Variants in TBC1D32 observed in about 807,000 individuals in gnomAD.
TBC1D32 encodes protein broad-minded.
In TBC1D32, 151 loss-of-function variants were observed where a neutral mutation model predicts 170.3. That is an observed-to-expected ratio of 0.89 (90% CI 0.78 to 1.01). The LOEUF (loss-of-function observed/expected upper bound fraction) is 1.01. Among genes scored for constraint, TBC1D32 ranks in the 50% least tolerant of loss-of-function variants. The probability of loss-of-function intolerance (pLI) is 0.00; values close to 1 mark genes in which losing one functional copy is unlikely to be tolerated. For missense variants in TBC1D32, 1,464 were observed against 1,457.1 expected (o/e 1.00, Z -0.08); for synonymous variants, 498 against 488.0 (o/e 1.02, Z -0.27).
At chr6:121,297,401 A>T (rs187175931) in intron 10 of TBC1D32, among the ~76,000 whole-genome samples, 1 of 152,266 alleles carries the variant, frequency 6.6e-6, no homozygotes, top group Admixed American at 6.5e-5. Context: ...GGAGAATTTA[A>T]ATAACCAAGC....
chr6:121,081,047 A>G (rs1775593486), intron 31 of TBC1D32, among the ~76,000 whole-genome samples, 157 bp from the exon 32 acceptor site: 1 of 152,110 alleles, frequency 6.6e-6, no homozygotes, highest in African/African-American at 2.4e-5. Flanking sequence ...TTATTTAGTG[A>G]GCTGTGCATA....
intron 4 of TBC1D32, 42 bp from the exon 5 acceptor site, chr6:121,308,143 A>G (rs1262578633): frequency 6.3e-7 from 1 of 1,582,228 alleles, no homozygotes; most frequent in East Asian, 2.3e-5. Flanking sequence ...CTCAGTCACT[A>G]AAATAATGCC....
chr6:121,227,252 T>C (rs1795188496), intron 20 of TBC1D32, among the ~76,000 whole-genome samples: 2 of 152,104 alleles, frequency 1.3e-5, no homozygotes, highest in South Asian at 4.1e-4. Context: ...AGAGGATCTT[T>C]TGTTTGTGCT....
At chr6:121,172,418 G>A (rs1246168784) in intron 22 of TBC1D32, among the ~76,000 whole-genome samples, 1 of 152,094 alleles carries the variant, frequency 6.6e-6, no homozygotes, top group Admixed American at 6.6e-5. Context: ...GAATACAGGA[G>A]ATCCATTAGG....
chr6:121,094,220 T>G (rs1221438259), intron 30 of TBC1D32, among the ~76,000 whole-genome samples: 1 of 151,694 alleles, frequency 6.6e-6, no homozygotes, highest in Non-Finnish European at 1.5e-5. Context: ...CAGGCTGGAG[T>G]GCAGTGGTGC....
rs151020835 is a variant in TBC1D32, at chr6:121,153,171, T to C, written c.2773+6839A>G. ...CTTTGGTCTTTGCTATTGGTGACCT[T>C]GGGATGGAGTTTTTGCGTGGTCCTT... On this transcript the variant is annotated intron_variant, in intron 24 of 31. Transcript: ENST00000398212. Among the ~76,000 whole-genome samples the C allele has an allele frequency of 2.0e-5, 3 of 152,238 alleles. No individual in the cohort carries two copies. The East Asian group carries it at 5.8e-4, about 30-fold the overall frequency.
At chr6:121,142,141 T>A (rs1418244131) in intron 24 of TBC1D32, among the ~76,000 whole-genome samples, 2 of 152,244 alleles carry the variant, frequency 1.3e-5, no homozygotes, top group African/African-American at 2.4e-5. Flanking sequence ...AAACTCTTTT[T>A]GACCCCTAGT....
At chr6:121,317,922 A>T (rs912579385) in intron 2 of TBC1D32, among the ~76,000 whole-genome samples, 1 of 152,154 alleles carries the variant, frequency 6.6e-6, no homozygotes, top group Non-Finnish European at 1.5e-5. Context: ...TACATGGATC[A>T]AGGTAGTAAA....
intron 21 of TBC1D32, among the ~76,000 whole-genome samples, chr6:121,217,299 C>T (rs1246388373): frequency 6.6e-6 from 1 of 152,218 alleles, no homozygotes; most frequent in East Asian, 1.9e-4. Context: ...GCTGGCAAGG[C>T]CAGCAATATA....
chr6:121,081,803 T>A (rs1337039684), intron 31 of TBC1D32, among the ~76,000 whole-genome samples: 1 of 152,076 alleles, frequency 6.6e-6, no homozygotes. Flanking sequence ...GCTTCAGATA[T>A]CACTTATCAC....
chr6:121,299,421 C>A, intron 10 of TBC1D32, 25 bp downstream of exon 10: 1 of 1,481,982 alleles, frequency 6.7e-7, no homozygotes, highest in South Asian at 1.2e-5. Flanking sequence ...TATTTCTCAA[C>A]ATAAAAACAG....
At chr6:121,149,435 T>C (rs1431598593) in intron 24 of TBC1D32, among the ~76,000 whole-genome samples, 2 of 152,220 alleles carry the variant, frequency 1.3e-5, no homozygotes, top group East Asian at 3.8e-4. Flanking sequence ...AATCTTTGTA[T>C]AAGTTATAAC....
chr6:121,096,528 T>G (rs1333389750), intron 30 of TBC1D32, among the ~76,000 whole-genome samples: 1 of 152,054 alleles, frequency 6.6e-6, no homozygotes, highest in Non-Finnish European at 1.5e-5. Flanking sequence ...TACAAACCAC[T>G]GATCAAGGAA....
chr6:121,161,355 G>T (rs1406528567), intron 22 of TBC1D32, among the ~76,000 whole-genome samples: 1 of 152,114 alleles, frequency 6.6e-6, no homozygotes, highest in South Asian at 2.1e-4. Context: ...CTCCTCCCCA[G>T]CTTCACCCTC....
intron 22 of TBC1D32, among the ~76,000 whole-genome samples, chr6:121,193,628 T>C (rs897021938): frequency 6.6e-6 from 1 of 152,224 alleles, no homozygotes; most frequent in Non-Finnish European, 1.5e-5. Context: ...TGGGCCTAGC[T>C]ACCGTAATGG....
chr6:121,183,956 G>A (rs187734747), intron 22 of TBC1D32, among the ~76,000 whole-genome samples: 194 of 152,134 alleles, frequency 1.3e-3, no homozygotes, highest in Non-Finnish European at 1.8e-3. Context: ...ACAGAAGCTG[G>A]AAGTATTGCT....
intron 22 of TBC1D32, among the ~76,000 whole-genome samples, chr6:121,178,100 C>G (rs1440150920): frequency 6.6e-6 from 1 of 152,136 alleles, no homozygotes; most frequent in Non-Finnish European, 1.5e-5. Flanking sequence ...ATGCCAGACA[C>G]TTGTGAAACC....
intron 1 of TBC1D32, among the ~76,000 whole-genome samples, chr6:121,322,765 T>C (rs77842242): frequency 0.067 from 10,183 of 152,294 alleles, 627 homozygotes; most frequent in Admixed American, 0.21. Context: ...TTATAAATAC[T>C]TGTTAGGTTG....
intron 30 of TBC1D32, among the ~76,000 whole-genome samples, chr6:121,096,848 T>C (rs1020319980): frequency 2.6e-5 from 4 of 151,860 alleles, no homozygotes. Context: ...CCAAAACAGA[T>C]ATATAGACCA....
Sources: gnomAD v4.1 joint callset for allele counts (sites outside exome capture counted in the v4.1 genomes callset) on GRCh38, gnomAD v4.1.1 for gene constraint, MANE v1.5 for transcripts, NCBI Gene and HGNC (gene_info 2026-07-23, HGNC 2026-07-21) for gene names.